Variants in COLEC11 observed in about 807,000 individuals in gnomAD.
COLEC11 encodes the protein collectin subfamily member 11.
In COLEC11, 20 loss-of-function variants were observed where a neutral mutation model predicts 27.3. That is an observed-to-expected ratio of 0.73 (90% CI 0.51 to 1.06). The LOEUF (loss-of-function observed/expected upper bound fraction) is 1.06, where lower values mean the gene tolerates loss of function less well. Among genes scored for constraint, COLEC11 ranks in the 50% least tolerant of loss-of-function variants. The probability of loss-of-function intolerance (pLI) is 0.00; values close to 1 mark genes in which losing one functional copy is unlikely to be tolerated. For synonymous variants in COLEC11, 163 were observed against 154.7 expected, an observed-to-expected ratio of 1.05 and a Z score of -0.40; for missense variants, 310 against 383.0, an observed-to-expected ratio of 0.81 and a Z score of 1.59.
chr2:3,613,708 C>A (rs774725727), intron 3 of COLEC11, among the ~76,000 whole-genome samples: 3 of 152,180 alleles, frequency 2.0e-5, no homozygotes, highest in Admixed American at 6.5e-5. Flanking sequence ...GAATCAGTGT[C>A]GTTATGAAGG....
At chr2:3,635,259 C>T (rs749486320) in intron 3 of COLEC11, among the ~76,000 whole-genome samples, 2 of 152,098 alleles carry the variant, frequency 1.3e-5, no homozygotes, top group African/African-American at 2.4e-5. Flanking sequence ...CCATCACGCA[C>T]GAGGTTCTGC....
chr2:3,605,337 G>A, intron 2 of COLEC11, among the ~76,000 whole-genome samples: 1 of 76,704 alleles, frequency 1.3e-5, no homozygotes, highest in African/African-American at 4.9e-5. Flanking sequence ...GCCGAGGAGG[G>A]GGCGGGGGAG....
intron 3 of COLEC11, among the ~76,000 whole-genome samples, chr2:3,615,978 T>C (rs1401888766): frequency 0.019 from 2,695 of 141,858 alleles, 119 homozygotes; most frequent in African/African-American, 0.068. Context: ...GGCTGCTGGG[T>C]GGAGGGGCTC....
chr2:3,617,786 T>G (rs971884239), intron 3 of COLEC11: 1 of 869,014 alleles, frequency 1.2e-6, no homozygotes, highest in Admixed American at 2.0e-5. Flanking sequence ...AAGGAGCCTC[T>G]GTACTGTTTT....
chr2:3,617,087 T>C (rs535657671), intron 3 of COLEC11, among the ~76,000 whole-genome samples: 12 of 152,278 alleles, frequency 7.9e-5, no homozygotes, highest in Admixed American at 2.6e-4. Flanking sequence ...ATGGACCCAG[T>C]AGTGACATTG....
intron 3 of COLEC11, among the ~76,000 whole-genome samples, chr2:3,619,212 T>C (rs1664004302): frequency 6.6e-6 from 1 of 151,682 alleles, no homozygotes; most frequent in Non-Finnish European, 1.5e-5. Flanking sequence ...CTTTCTCTCT[T>C]TCCTTTTCTT....
intron 1 of COLEC11, among the ~76,000 whole-genome samples, chr2:3,599,619 G>A (rs746505149): frequency 5.3e-5 from 8 of 152,194 alleles, no homozygotes; most frequent in Non-Finnish European, 7.3e-5. Flanking sequence ...GCTTGCAAAC[G>A]GCATGTGGTG....
chr2:3,608,525 C>A (rs1024181824), intron 2 of COLEC11, among the ~76,000 whole-genome samples: 1 of 152,126 alleles, frequency 6.6e-6, no homozygotes, highest in South Asian at 2.1e-4. Flanking sequence ...ATGAACACTT[C>A]AAACCTTGCC....
chr2:3,643,107 A>G (rs1665991265), intron 5 of COLEC11, among the ~76,000 whole-genome samples: 1 of 152,052 alleles, frequency 6.6e-6, no homozygotes. Context: ...TCTTCCTCAG[A>G]TGTTCTAGCT....
intron 3 of COLEC11, chr2:3,617,706 A>C (rs1205822917): frequency 1.9e-6 from 3 of 1,594,400 alleles, no homozygotes; most frequent in Non-Finnish European, 2.6e-6. Flanking sequence ...AAGCGGAGCG[A>C]GGCGTGCGAG....
chr2:3,629,905 T>G (rs766782849), intron 3 of COLEC11, among the ~76,000 whole-genome samples: 1 of 152,244 alleles, frequency 6.6e-6, no homozygotes, highest in Non-Finnish European at 1.5e-5. Flanking sequence ...GTAAGTTTTA[T>G]GTATGTGTAT....
chr2:3,616,320 G>A (rs1293398537), intron 3 of COLEC11, among the ~76,000 whole-genome samples: 1 of 151,116 alleles, frequency 6.6e-6, no homozygotes, highest in African/African-American at 2.5e-5. Context: ...GACTATGGGC[G>A]GCCAGGCAGA....
At chr2:3,613,424 G>A in intron 3 of COLEC11, 42 bp downstream of exon 3, 1 of 1,553,358 alleles carries the variant, frequency 6.4e-7, no homozygotes, top group Non-Finnish European at 8.7e-7. Flanking sequence ...TCTGAGGATG[G>A]AGGCACCGCT....
intron 3 of COLEC11, among the ~76,000 whole-genome samples, chr2:3,626,366 TCAGCTTCTGGAATCAGCTTCGTCTTC>T (rs1367617429): frequency 6.6e-6 from 1 of 151,582 alleles, no homozygotes; most frequent in East Asian, 2.0e-4. Context: ...GTCAGTTATG[TCAGCTTCTGGAATCAGCTTCGTCTTC>T]CCAAGCCCCC....
At chr2:3,632,706 G>A (rs751115761) in intron 3 of COLEC11, among the ~76,000 whole-genome samples, 3 of 152,166 alleles carry the variant, frequency 2.0e-5, no homozygotes, top group Non-Finnish European at 2.9e-5. Flanking sequence ...TGAAATCAGC[G>A]TGTACGTGTG....
At chr2:3,637,650 G>T (rs756753238) in intron 4 of COLEC11, 46 bp downstream of exon 4, 1 of 1,441,014 alleles carries the variant, frequency 6.9e-7, no homozygotes, top group South Asian at 1.1e-5. Flanking sequence ...TGCCCCTAGG[G>T]TCAGCGTCTG....
At chr2:3,627,480 G>A (rs1051222133) in intron 3 of COLEC11, among the ~76,000 whole-genome samples, 4 of 150,812 alleles carry the variant, frequency 2.7e-5, no homozygotes, top group African/African-American at 7.3e-5. Context: ...TGGAGGGCAC[G>A]ATGAGCACGA....
Position 3,643,898 on chromosome 2 carries a change from C to A in COLEC11, c.596C>A (p.Ala199Asp). Residue 199 changes from alanine to aspartate, a missense_variant, in exon 7 of 7, where the codon GCC (alanine) becomes GAC (aspartate). By Grantham distance (126) the Ala-to-Asp change is moderately radical. Coordinates refer to ENST00000349077, the MANE Select transcript of COLEC11 (RefSeq NM_024027.5). ...MAAYLAQAGL[A>D]RVFIGINDLE... ...GCATACCTGGCGCAAGCCGGCCTGG[C>A]CCGTGTCTTCATCGGCATCAACGAC... 6.2e-7 allele frequency: 1 copy of A among 1,614,020 alleles called. No homozygotes were observed.
intron 5 of COLEC11, among the ~76,000 whole-genome samples, chr2:3,642,114 C>T (rs998738517): frequency 2.0e-5 from 3 of 152,176 alleles, no homozygotes; most frequent in African/African-American, 4.8e-5. Context: ...AGTTGATTAG[C>T]GAGAGAAGAC....
Sources: gnomAD v4.1 joint callset for allele counts (sites outside exome capture counted in the v4.1 genomes callset) on GRCh38, gnomAD v4.1.1 for gene constraint, MANE v1.5 for transcripts, NCBI Gene and HGNC (gene_info 2026-07-23, HGNC 2026-07-21) for gene names.